Variants in MYO15A observed in about 807,000 individuals in gnomAD.
MYO15A encodes the protein unconventional myosin-XV.
In MYO15A, 308 loss-of-function variants were observed where a neutral mutation model predicts 394.6. The observed-to-expected ratio is 0.78, with a 90% CI of 0.71 to 0.86. The LOEUF (loss-of-function observed/expected upper bound fraction) is 0.86. Among genes scored for constraint, MYO15A ranks in the 40% least tolerant of loss-of-function variants. The probability of loss-of-function intolerance (pLI) is 0.00; values close to 1 mark genes in which losing one functional copy is unlikely to be tolerated. For missense variants in MYO15A, 4,606 were observed against 4,799.1 expected (o/e 0.96, Z 1.19); for synonymous variants, 1,957 against 2,003.8 (o/e 0.98, Z 0.62).
At chr17:18,178,376 A>G (rs2047044236) in intron 65 of MYO15A, 2 of 323,350 alleles carry the variant, frequency 6.2e-6, no homozygotes, top group South Asian at 5.6e-5. Flanking sequence ...CTAGGAAAAA[A>G]AAAAAAAGAA....
At position 18,130,816 on chromosome 17, in the gene MYO15A, C is replaced by CTGTGTG. The variant is rs759039332; in HGVS notation, c.4038+6_4038+7insTGTGTG. 6.7e-6 allele frequency: 9 copies of CTGTGTG among 1,335,764 alleles called. No individual in the cohort carries two copies. Among genetic ancestry groups the CTGTGTG allele is most frequent in the East Asian group, 2.6e-5 (1 of 37,738 alleles). 82.7% of individuals were successfully genotyped at this position (1,335,764 alleles called of 1,614,324 possible). A position where few individuals can be genotyped will look rare whatever the true frequency, so the allele number is the denominator to read the frequency against. On this transcript the variant is annotated splice_region_variant and intron_variant, in intron 8 of 65. Transcript: ENST00000647165. Reference sequence around the variant, plus strand: ...GGACGCTCTTGAAGATAAAGGTACTCAGTGTGTGTGTGTGTGTGTGTGTGT... The same window carrying CTGTGTG: ...GGACGCTCTTGAAGATAAAGGTACTCTGTGTGAGTGTGTGTGTGTGTGTGTGTGTGT...
intron 7 of MYO15A, among the ~76,000 whole-genome samples, chr17:18,127,834 G>GATATATATATATATATATAT (rs55650584): frequency 3.1e-5 from 4 of 131,094 alleles, no homozygotes; most frequent in African/African-American, 8.5e-5. Context: ...GAAAAAAAAA[G>GATATATATATATATATATAT]ATATATATAT....
chr17:18,114,712 G>A (rs1435545749), intron 1 of MYO15A, among the ~76,000 whole-genome samples: 3 of 152,136 alleles, frequency 2.0e-5, no homozygotes, highest in East Asian at 1.9e-4. Flanking sequence ...CTGTCATAGC[G>A]GTCCCATCTG....
intron 13 of MYO15A, 68 bp downstream of exon 13, chr17:18,135,892 C>A: frequency 6.9e-7 from 1 of 1,447,888 alleles, no homozygotes; most frequent in South Asian, 1.2e-5. Flanking sequence ...CTGCTTGTGC[C>A]GATCCTTTGT....
At chr17:18,142,980 G>A in intron 25 of MYO15A, 140 bp downstream of exon 25, 1 of 768,632 alleles carries the variant, frequency 1.3e-6, no homozygotes, top group East Asian at 2.7e-5. Flanking sequence ...TTTAACTTTG[G>A]CCATTGTCTA....
At chr17:18,110,936 AG>A (rs1423281938) in intron 1 of MYO15A, among the ~76,000 whole-genome samples, 4 of 152,204 alleles carry the variant, frequency 2.6e-5, no homozygotes. Flanking sequence ...ATCTTGGCTC[AG>A]GGTTGCGTTG....
At chr17:18,151,778 A>G (rs2046586853) in intron 40 of MYO15A, 68 bp from the exon 41 acceptor site, 1 of 1,435,544 alleles carries the variant, frequency 7.0e-7, no homozygotes, top group Non-Finnish European at 9.6e-7. Flanking sequence ...GAAGTTTCCT[A>G]CTGTCAAACT....
chr17:18,154,579 A>T, intron 44 of MYO15A, 101 bp from the exon 45 acceptor site: 1 of 1,239,778 alleles, frequency 8.1e-7, no homozygotes, highest in Non-Finnish European at 1.2e-6. Flanking sequence ...CTGCTGCAAA[A>T]TGGGACCCCT....
chr17:18,161,176 A>T, intron 56 of MYO15A, 141 bp from the exon 57 acceptor site: 1 of 1,254,230 alleles, frequency 8.0e-7, no homozygotes, highest in Non-Finnish European at 1.1e-6. Context: ...TGCCTTTTGC[A>T]TATCACTGCG....
chr17:18,143,380 C>G (rs1254041508), intron 25 of MYO15A, among the ~76,000 whole-genome samples, 186 bp from the exon 26 acceptor site: 1 of 152,190 alleles, frequency 6.6e-6, no homozygotes, highest in Non-Finnish European at 1.5e-5. Context: ...CCTTTTCCCT[C>G]CCCTTTTCTC....
intron 33 of MYO15A, 110 bp downstream of exon 33, chr17:18,149,062 G>A: frequency 6.7e-7 from 1 of 1,489,548 alleles, no homozygotes; most frequent in Non-Finnish European, 9.1e-7. Context: ...GCTGAGCCCT[G>A]AACTTAGACT....
Position 18,121,698 on chromosome 17 carries a change from G to A in MYO15A, c.2898G>A (p.Gln966=), listed in dbSNP as rs754316642. Residue 966 remains glutamine (Q), a synonymous_variant, in exon 2 of 66, where the codon CAG becomes CAA. Transcript: ENST00000647165. This position sits in a 1 kb window ranked among gnomAD's most constrained non-coding sequence, Gnocchi z 5.3. ...CTGTGCCGGAAAACCCCTTTCTCCAGCTCCTGGGCCCTGTGCCATCCCCCA... is the reference window on the plus strand; with the variant it reads ...CTGTGCCGGAAAACCCCTTTCTCCAACTCCTGGGCCCTGTGCCATCCCCCA... ...PPPVPENPFL[Q]LLGPVPSPTL... 2 of 1,589,528 alleles carry A rather than the reference G, an allele frequency of 1.3e-6. No individual in the cohort carries two copies. Among genetic ancestry groups the A allele is most frequent in the East Asian group, 2.3e-5 (1 of 43,478 alleles).
chr17:18,111,310 G>T (rs2142220444), intron 1 of MYO15A, among the ~76,000 whole-genome samples: 1 of 140,426 alleles, frequency 7.1e-6, no homozygotes, highest in East Asian at 2.1e-4. Flanking sequence ...ACTCCAGCCT[G>T]AGTGATGGAA....
chr17:18,175,308 T>TTTTTTTTTTTTTTTTTTTGG (rs71155320), intron 65 of MYO15A, among the ~76,000 whole-genome samples: 1 of 147,160 alleles, frequency 6.8e-6, no homozygotes, highest in Admixed American at 6.8e-5. Context: ...TTTTTTTTTT[T>TTTTTTTTTTTTTTTTTTTGG]GAGGCAAAGT....
Position 18,119,823 on chromosome 17 carries a change from C to T in MYO15A, c.1023C>T (p.Tyr341=). 6.2e-7 allele frequency: 1 copy of T among 1,612,466 alleles called. No homozygotes were observed. The highest frequency in any genetic ancestry group is 2.2e-5 in the East Asian group (1 of 44,878). ...AGGGCGAGGCGCACCCTTATGGCTA[C>T]TACCTGGATCCCTATGCGCCGTACG... is the stretch of plus-strand genomic sequence containing the variant. ...GYEGEAHPYG[Y]YLDPYAPYDA... is the part of the protein sequence containing the mutation. The change falls in exon 2 of 66, where the codon TAC becomes TAT. Residue 341 remains tyrosine (Y), a synonymous_variant. Transcript: ENST00000647165.
intron 60 of MYO15A, 36 bp from the exon 61 acceptor site, chr17:18,166,325 T>G (rs2046853499): frequency 5.6e-6 from 9 of 1,606,100 alleles, no homozygotes; most frequent in Non-Finnish European, 7.6e-6. Flanking sequence ...TGTGCACACA[T>G]GCCCCCACCC....
chr17:18,118,890 G>A lies in MYO15A; in HGVS notation c.90G>A (p.Leu30=), dbSNP rs768956767. The change falls in exon 2 of 66, where the codon CTG becomes CTA. Residue 30 remains leucine (L), a synonymous_variant. Coordinates refer to ENST00000647165, the MANE Select transcript of MYO15A (RefSeq NM_016239.4). ...AGCCGGAGAAGCCCAAACGGAGCCT[G>A]AAGGGGACGTCGCGGCTGTTCATGG... ...APEPEKPKRS[L]KGTSRLFMGF... The A allele has an allele frequency of 3.7e-6, 6 of 1,613,910 alleles. No homozygotes were observed. The Admixed American group carries it at 8.3e-5, about 22-fold the overall frequency.
rs1476640601 is a variant in MYO15A, at chr17:18,153,708, T to C, written c.7967-67T>C. 35 of 1,434,388 alleles carry C rather than the reference T, an allele frequency of 2.4e-5. No homozygotes were observed. The highest frequency in any genetic ancestry group is 3.1e-5 in the Non-Finnish European group (33 of 1,080,712). 88.9% of individuals were successfully genotyped at this position (1,434,388 alleles called of 1,614,324 possible). A position where few individuals can be genotyped will look rare whatever the true frequency, so the allele number is the denominator to read the frequency against. On this transcript the variant is annotated intron_variant, in intron 42 of 65. Transcript: ENST00000647165. This position sits in a 1 kb window ranked among gnomAD's most constrained non-coding sequence, Gnocchi z 4.1. ...AGCGAAACTCCGTCTCAAAAATATA[T>C]ATATATATTAATTAAATAAAAAAAC...
chr17:18,141,557 C>T (rs541424693), intron 22 of MYO15A, 96 bp from the exon 23 acceptor site: 22 of 1,200,250 alleles, frequency 1.8e-5, no homozygotes, highest in South Asian at 9.7e-5. Context: ...TGGGACCAGG[C>T]TTTTTGGACA....
Sources: allele counts gnomAD v4.1 joint callset (sites outside exome capture counted in the v4.1 genomes callset), GRCh38; gene constraint gnomAD v4.1.1; non-coding constraint Gnocchi (gnomAD v3.1); transcripts MANE v1.5; gene names NCBI Gene and HGNC (gene_info 2026-07-23, HGNC 2026-07-21).